BBS9: variants seen among roughly 807,000 people sequenced by gnomAD.
BBS9 encodes Bardet-Biedl syndrome 9, also known as protein PTHB1.
A neutral mutation model predicts 117.7 loss-of-function variants in BBS9; 89 were observed. The observed-to-expected ratio is 0.76, with a 90% CI of 0.64 to 0.90. The LOEUF (loss-of-function observed/expected upper bound fraction) is 0.90. BBS9 is among the 40% of genes least tolerant of loss of function. BBS9 has a pLI of 0.00. For synonymous variants in BBS9, 379 were observed against 370.9 expected, an observed-to-expected ratio of 1.02 and a Z score of -0.25; for missense variants, 982 against 1,042.2, an observed-to-expected ratio of 0.94 and a Z score of 0.80.
chr7:33,393,828 T>C lies in BBS9; in HGVS notation c.2115+5684T>C, dbSNP rs1052956462. ...GCCTATTGTGGGTGGCAGCCTCTTATTATATTTCTAACAGGTGGGTCACTG... is the reference window on the plus strand; with the variant it reads ...GCCTATTGTGGGTGGCAGCCTCTTACTATATTTCTAACAGGTGGGTCACTG... On this transcript the variant is annotated intron_variant, in intron 19 of 22. Coordinates refer to ENST00000242067, the MANE Select transcript of BBS9 (RefSeq NM_198428.3). 3.9e-5 allele frequency among the ~76,000 whole-genome samples: 6 copies of C among 152,288 alleles called. No individual in the cohort carries two copies. In the South Asian group the frequency reaches 1.0e-3, roughly 26 times the overall value.
At chr7:33,471,094 C>T (rs1840958992) in intron 19 of BBS9, among the ~76,000 whole-genome samples, 1 of 152,152 alleles carries the variant, frequency 6.6e-6, no homozygotes, top group South Asian at 2.1e-4. Context: ...AGTATGTTTT[C>T]CTTCAGCATC....
At chr7:33,595,428 GA>G (rs1195941768) in intron 21 of BBS9, among the ~76,000 whole-genome samples, 1 of 151,996 alleles carries the variant, frequency 6.6e-6, no homozygotes, top group Non-Finnish European at 1.5e-5. Context: ...CAACAAACAT[GA>G]AAAAAAGCTC....
chr7:33,171,316 T>C (rs1459057456), intron 4 of BBS9, among the ~76,000 whole-genome samples: 1 of 152,010 alleles, frequency 6.6e-6, no homozygotes, highest in Non-Finnish European at 1.5e-5. Flanking sequence ...TACAACTATC[T>C]GATCTTTGAC....
intron 7 of BBS9, among the ~76,000 whole-genome samples, chr7:33,266,205 C>A (rs763037027): frequency 2.0e-4 from 31 of 152,116 alleles, no homozygotes; most frequent in African/African-American, 7.5e-4. Context: ...TTTTTCCATT[C>A]GATTAGTGAA....
chr7:33,448,717 C>A (rs1229814555), intron 19 of BBS9, among the ~76,000 whole-genome samples: 1 of 152,174 alleles, frequency 6.6e-6, no homozygotes, highest in Non-Finnish European at 1.5e-5. Flanking sequence ...ACAGTTTATT[C>A]ATAAAGTATC....
At chr7:33,632,818 A>G (rs1250328641) in intron 21 of BBS9, among the ~76,000 whole-genome samples, 1 of 152,196 alleles carries the variant, frequency 6.6e-6, no homozygotes, top group African/African-American at 2.4e-5. Flanking sequence ...AAGGAAATAC[A>G]GAGATAGATG....
At chr7:33,482,103 C>T (rs957995572) in intron 19 of BBS9, among the ~76,000 whole-genome samples, 4 of 151,774 alleles carry the variant, frequency 2.6e-5, no homozygotes, top group African/African-American at 9.7e-5. Context: ...TTTTTTTCTA[C>T]CACAGAACTC....
chr7:33,527,007 G>C (rs908092601), intron 20 of BBS9, among the ~76,000 whole-genome samples: 8 of 138,628 alleles, frequency 5.8e-5, no homozygotes, highest in Non-Finnish European at 1.1e-4. Context: ...ATACCCTGCC[G>C]TGTGAGGTGT....
intron 6 of BBS9, 132 bp downstream of exon 6, chr7:33,257,542 G>T: frequency 2.3e-6 from 2 of 852,702 alleles, no homozygotes; most frequent in Admixed American, 3.9e-5. Flanking sequence ...TGTGATTGTG[G>T]TGACTTAGAC....
At chr7:33,159,299 G>T (rs577544403) in intron 4 of BBS9, among the ~76,000 whole-genome samples, 55 of 152,136 alleles carry the variant, frequency 3.6e-4, no homozygotes, top group Non-Finnish European at 7.8e-4. Flanking sequence ...AACCCACTGA[G>T]AAATAGCAGA....
At chr7:33,252,757 A>G (rs1796414012) in intron 5 of BBS9, among the ~76,000 whole-genome samples, 1 of 152,086 alleles carries the variant, frequency 6.6e-6, no homozygotes, top group South Asian at 2.1e-4. Flanking sequence ...GGTTACCATA[A>G]TATCTTCCAC....
At chr7:33,618,266 G>A (rs1865242105) in intron 21 of BBS9, among the ~76,000 whole-genome samples, 1 of 151,958 alleles carries the variant, frequency 6.6e-6, no homozygotes, top group Non-Finnish European at 1.5e-5. Context: ...GATCACTTGA[G>A]CCTAGGAAGT....
intron 19 of BBS9, among the ~76,000 whole-genome samples, chr7:33,493,359 A>C (rs1844283634): frequency 6.6e-6 from 1 of 152,088 alleles, no homozygotes; most frequent in Admixed American, 6.6e-5. Flanking sequence ...CCCGTCACTC[A>C]GCACACACTT....
chr7:33,357,668 C>A, intron 15 of BBS9, 187 bp from the exon 16 acceptor site: 1 of 702,062 alleles, frequency 1.4e-6, no homozygotes, highest in Non-Finnish European at 2.5e-6. Flanking sequence ...TTGCCTTGTA[C>A]CTTTTGAAAA....
intron 19 of BBS9, among the ~76,000 whole-genome samples, chr7:33,474,928 T>A (rs1035786135): frequency 9.9e-5 from 15 of 152,126 alleles, no homozygotes; most frequent in African/African-American, 2.9e-4. Flanking sequence ...CTGGTGACAG[T>A]GAGACTCCGT....
At chr7:33,321,481 T>C (rs1811701836) in intron 9 of BBS9, among the ~76,000 whole-genome samples, 1 of 152,138 alleles carries the variant, frequency 6.6e-6, no homozygotes. Flanking sequence ...TAATTTTCTT[T>C]GTAGCTTTTG....
chr7:33,149,705 T>C (rs894617348), intron 2 of BBS9, among the ~76,000 whole-genome samples: 1 of 152,252 alleles, frequency 6.6e-6, no homozygotes, highest in African/African-American at 2.4e-5. Flanking sequence ...GCATGTTCAT[T>C]AATTCCTGGG....
intron 21 of BBS9, among the ~76,000 whole-genome samples, chr7:33,570,936 A>G (rs940818303): frequency 6.6e-6 from 1 of 152,236 alleles, no homozygotes; most frequent in Non-Finnish European, 1.5e-5. Context: ...CTAAGGAGAT[A>G]TAACAACAGA....
chr7:33,467,363 C>T (rs1215044632), intron 19 of BBS9, among the ~76,000 whole-genome samples: 1 of 152,122 alleles, frequency 6.6e-6, no homozygotes, highest in African/African-American at 2.4e-5. Context: ...CATTAGAGAT[C>T]CCAGACCCTG....
Sources: allele counts gnomAD v4.1 joint callset (sites outside exome capture counted in the v4.1 genomes callset), GRCh38; gene constraint gnomAD v4.1.1; transcripts MANE v1.5; gene names NCBI Gene and HGNC (gene_info 2026-07-23, HGNC 2026-07-21).